The following MAST4 variants were observed in gnomAD, a reference collection of about 807,000 sequenced individuals.
MAST4 encodes the protein microtubule-associated serine/threonine-protein kinase 4.
Under a neutral mutation model 162.7 loss-of-function variants are expected in MAST4, and 89 were observed. The observed-to-expected ratio is 0.55, with a 90% CI of 0.46 to 0.65. The LOEUF is 0.65. Ranked by LOEUF, MAST4 falls within the 30% of genes least tolerant of loss-of-function variation. The pLI, the probability that MAST4 is intolerant of heterozygous loss-of-function variation, is 0.00. For missense variants in MAST4, 3,153 were observed against 3,374.0 expected (o/e 0.93, Z 1.62); for synonymous variants, 1,479 against 1,361.1 (o/e 1.09, Z -1.91).
intron 1 of MAST4, among the ~76,000 whole-genome samples, chr5:66,677,778 G>C (rs1048777599): frequency 1.3e-5 from 2 of 152,132 alleles, no homozygotes; most frequent in African/African-American, 4.8e-5. Context: ...AGAGAGATTA[G>C]AATAGCATCT....
chr5:66,698,209 C>T (rs754571233), intron 1 of MAST4, among the ~76,000 whole-genome samples: 1 of 152,006 alleles, frequency 6.6e-6, no homozygotes, highest in Non-Finnish European at 1.5e-5. Flanking sequence ...AATCCAAGTA[C>T]CCACACTCTT....
At chr5:66,789,069 T>C (rs531522643) in intron 3 of MAST4, among the ~76,000 whole-genome samples, 111 of 152,322 alleles carry the variant, frequency 7.3e-4, no homozygotes, top group Non-Finnish European at 1.4e-3. Context: ...TGAAATAATA[T>C]AAAACTCATG....
chr5:66,618,172 T>G (rs1433414481), intron 1 of MAST4, among the ~76,000 whole-genome samples: 1 of 152,250 alleles, frequency 6.6e-6, no homozygotes, highest in Non-Finnish European at 1.5e-5. Flanking sequence ...GAGTGCTCTT[T>G]CCTGCCCACG....
chr5:67,086,858 A>G (rs1048755351), intron 5 of MAST4, among the ~76,000 whole-genome samples: 1 of 152,206 alleles, frequency 6.6e-6, no homozygotes, highest in Non-Finnish European at 1.5e-5. Flanking sequence ...TGTGCACAGC[A>G]GTCAAGTCCT....
intron 1 of MAST4, among the ~76,000 whole-genome samples, chr5:66,719,629 A>G (rs1580285342): frequency 6.6e-6 from 1 of 152,036 alleles, no homozygotes; most frequent in South Asian, 2.1e-4. Flanking sequence ...AAGTGCCATG[A>G]TGGTTTGCTG....
chr5:66,748,436 C>CCTCCCTCCCTCTCTCCCTCCCTCCCTCA (rs1561302723), intron 1 of MAST4, among the ~76,000 whole-genome samples: 2 of 5,416 alleles, frequency 3.7e-4, no homozygotes, highest in African/African-American at 8.7e-4. Context: ...TCCCTCCCTC[C>CCTCCCTCCCTCTCTCCCTCCCTCCCTCA]CTCCCTCTCT....
intron 11 of MAST4, among the ~76,000 whole-genome samples, chr5:67,110,853 G>T (rs868014662): frequency 3.3e-5 from 5 of 151,990 alleles, no homozygotes; most frequent in Non-Finnish European, 5.9e-5. Flanking sequence ...GTGACACTTG[G>T]TCTCTACTAA....
At chr5:66,721,019 AG>A (rs149237869) in intron 1 of MAST4, among the ~76,000 whole-genome samples, 2,899 of 152,188 alleles carry the variant, frequency 0.019, 90 homozygotes, top group African/African-American at 0.065. Context: ...GCCTAGAGCC[AG>A]TCCTTTCCTG....
At chr5:67,156,922 C>T (rs564743492) in intron 26 of MAST4, among the ~76,000 whole-genome samples, 5 of 152,310 alleles carry the variant, frequency 3.3e-5, no homozygotes, top group Admixed American at 2.0e-4. Context: ...TATTCAATTC[C>T]GGCAACTTGA....
chr5:67,165,968 G>T lies in MAST4; in HGVS notation c.6789G>T (p.Gly2263=). 1.9e-6 allele frequency: 3 copies of T among 1,613,480 alleles called. No individual in the cohort carries two copies. The highest frequency in any genetic ancestry group is 2.5e-6 in the Non-Finnish European group (3 of 1,179,834). The change falls in exon 29 of 29, where the codon GGG becomes GGT. Residue 2263 remains glycine (G), a synonymous_variant. Coordinates refer to ENST00000403625, the MANE Select transcript of MAST4 (RefSeq NM_001164664.2). ...TPGSQNKASD[G]IGQGEGGPSV... Reference sequence around the variant, plus strand: ...GCTCCCAGAACAAAGCCAGCGATGGGATTGGCCAGGGAGAAGGTGGGCCCT... The same window carrying T: ...GCTCCCAGAACAAAGCCAGCGATGGTATTGGCCAGGGAGAAGGTGGGCCCT...
In MAST4 at chr5:67,164,609, G is replaced by T. The variant is rs762341566; in HGVS notation, c.5430G>T (p.Leu1810=). Reference sequence around the variant, plus strand: ...AGGGCACTCTGGACATTGCTCTCCTGTCCGGACCTCAGGCCTCCAAGACAG... The same window carrying T: ...AGGGCACTCTGGACATTGCTCTCCTTTCCGGACCTCAGGCCTCCAAGACAG... ...PIEGTLDIAL[L]SGPQASKTEL... Residue 1810 remains leucine, a synonymous_variant, in exon 29 of 29, where the codon CTG becomes CTT. Coordinates refer to ENST00000403625, the MANE Select transcript of MAST4 (RefSeq NM_001164664.2). This position sits in a 1 kb window ranked among gnomAD's most constrained non-coding sequence, Gnocchi z 5.3. 3 of 1,614,020 alleles carry T rather than the reference G, an allele frequency of 1.9e-6. No individual in the cohort carries two copies. The East Asian group carries it at 6.7e-5, about 36-fold the overall frequency.
chr5:66,867,474 G>C (rs951476565), intron 3 of MAST4, among the ~76,000 whole-genome samples: 1 of 152,126 alleles, frequency 6.6e-6, no homozygotes, highest in Non-Finnish European at 1.5e-5. Context: ...TAGTGTTAAG[G>C]GATATTTATA....
At chr5:66,863,105 G>A (rs1253127384) in intron 3 of MAST4, among the ~76,000 whole-genome samples, 1 of 152,164 alleles carries the variant, frequency 6.6e-6, no homozygotes, top group Non-Finnish European at 1.5e-5. Flanking sequence ...TTTGAGTTGA[G>A]ACTGCAGACC....
intron 1 of MAST4, among the ~76,000 whole-genome samples, chr5:66,721,311 C>T (rs1751195899): frequency 6.6e-6 from 1 of 152,130 alleles, no homozygotes; most frequent in African/African-American, 2.4e-5. Flanking sequence ...GGCTTTCATC[C>T]CTTGCTCTGT....
At chr5:67,110,739 T>G (rs995830366) in intron 11 of MAST4, among the ~76,000 whole-genome samples, 1 of 152,222 alleles carries the variant, frequency 6.6e-6, no homozygotes, top group African/African-American at 2.4e-5. Context: ...ATTATCTGTT[T>G]TTGGCTGGAT....
intron 3 of MAST4, among the ~76,000 whole-genome samples, chr5:66,824,675 G>A (rs1757157088): frequency 6.6e-6 from 1 of 152,234 alleles, no homozygotes; most frequent in Non-Finnish European, 1.5e-5. Flanking sequence ...CATGTTCTGA[G>A]AAATGTGTTG....
At chr5:66,614,669 T>G (rs1743545677) in intron 1 of MAST4, among the ~76,000 whole-genome samples, 2 of 152,224 alleles carry the variant, frequency 1.3e-5, no homozygotes, top group African/African-American at 4.8e-5. Flanking sequence ...AAGTTCCCTC[T>G]TGTCATTTGA....
At chr5:66,945,662 C>T (rs902479328) in intron 4 of MAST4, among the ~76,000 whole-genome samples, 1 of 152,098 alleles carries the variant, frequency 6.6e-6, no homozygotes, top group African/African-American at 2.4e-5. Context: ...TGGCTGCATC[C>T]ACTCTGATTT....
rs773441170 is a variant in MAST4 at position 67,167,011 on chromosome 5, AAG to A, written c.7837_7838del (p.Ser2613PhefsTer3). 45 of 1,606,052 alleles carry A rather than the reference AAG, an allele frequency of 2.8e-5. No homozygotes were observed. The highest frequency in any genetic ancestry group is 1.3e-4 in the African/African-American group (10 of 74,612). ...TTTGTGGTACGGCAGAGGCGGGGGAAAGAGAGTTTGCGTAGCAGCCCTCACAA... is the reference window on the plus strand; with the variant it reads ...TTTGTGGTACGGCAGAGGCGGGGGAAAGAGTTTGCGTAGCAGCCCTCACAA... On this transcript the variant is annotated frameshift_variant, in exon 29 of 29. Transcript: ENST00000403625. LOFTEE classifies it high-confidence loss of function.
Sources: gnomAD v4.1 joint callset for allele counts (sites outside exome capture counted in the v4.1 genomes callset) on GRCh38, gnomAD v4.1.1 for gene constraint, Gnocchi (gnomAD v3.1) non-coding constraint, MANE v1.5 for transcripts, NCBI Gene and HGNC (gene_info 2026-07-23, HGNC 2026-07-21) for gene names.